The following SLTM variants were observed in gnomAD, a reference collection of about 807,000 sequenced individuals.
SLTM encodes the protein SAFB like transcription modulator.
SLTM carries 43 observed loss-of-function variants against 134.6 expected under a neutral mutation model. That is an observed-to-expected ratio of 0.32 (90% confidence interval 0.25 to 0.41). The LOEUF is 0.41. Ranked by LOEUF, SLTM falls within the 10% of genes least tolerant of loss-of-function variation. The probability of loss-of-function intolerance (pLI) is 1.00; values close to 1 mark genes in which losing one functional copy is unlikely to be tolerated. For missense variants in SLTM, 1,055 were observed against 1,288.8 expected, an observed-to-expected ratio of 0.82 and a Z score of 2.78; for synonymous variants, 424 against 432.3, an observed-to-expected ratio of 0.98 and a Z score of 0.24.
At chr15:58,900,006 G>A (rs2035354438) in intron 6 of SLTM, 69 bp from the exon 7 acceptor site, 2 of 1,192,626 alleles carry the variant, frequency 1.7e-6, no homozygotes, top group Non-Finnish European at 2.3e-6. Context: ...TCATAAGCTA[G>A]AATAGGACCT....
chr15:58,908,372 T>A (rs1259716360), intron 5 of SLTM, among the ~76,000 whole-genome samples: 1 of 152,022 alleles, frequency 6.6e-6, no homozygotes, highest in East Asian at 1.9e-4. Flanking sequence ...GATTAAATTT[T>A]CTACTGTTTT....
chr15:58,893,798 G>T, intron 12 of SLTM, 23 bp downstream of exon 12: 1 of 1,584,674 alleles, frequency 6.3e-7, no homozygotes, highest in East Asian at 2.2e-5. Context: ...ATTAGAAAGG[G>T]ATTGAAAAGA....
intron 2 of SLTM, among the ~76,000 whole-genome samples, chr15:58,920,627 T>TAATA (rs71119418): frequency 0.54 from 74,916 of 139,364 alleles, 20,460 homozygotes; most frequent in Middle Eastern, 0.63. Context: ...CATCTCAAAA[T>TAATA]AATAAATAAA....
rs1455454519 is a variant in SLTM, at chr15:58,888,499, C to T, written c.2261G>A (p.Arg754Gln). 17 of 1,613,892 alleles carry T rather than the reference C, an allele frequency of 1.1e-5. No homozygotes were observed. The highest frequency in any genetic ancestry group is 1.3e-5 in the African/African-American group (1 of 74,860). The change falls in exon 17 of 21, where the codon CGA becomes CAA. Residue 754 changes from arginine to glutamine, a missense_variant. Around this residue, in one of 3 missense-constraint regions of SLTM, gnomAD observed 776 missense variants for 962.2 expected, o/e 0.81. Transcript: ENST00000380516. Reference sequence around the variant, plus strand: ...AGAGTAGTCGGATCCATGGCCAAATCGTGCATCTGTATCTAGAGACAACTT... The same window carrying T: ...AGAGTAGTCGGATCCATGGCCAAATTGTGCATCTGTATCTAGAGACAACTT... ...NKKLSLDTDARFGHGSDYSRQ... is the reference protein window; with the variant it reads ...NKKLSLDTDAQFGHGSDYSRQ...
chr15:58,892,026 A>G (rs1397581803), intron 14 of SLTM, among the ~76,000 whole-genome samples: 1 of 152,222 alleles, frequency 6.6e-6, no homozygotes, highest in Non-Finnish European at 1.5e-5. Context: ...ATGTGCTACA[A>G]GGATTACTTC....
chr15:58,911,578 G>T (rs1487897236), intron 5 of SLTM, among the ~76,000 whole-genome samples: 1 of 151,946 alleles, frequency 6.6e-6, no homozygotes. Context: ...ACCCTCTCTG[G>T]TTTTTATAAG....
intron 20 of SLTM, chr15:58,883,377 A>G (rs866898639): frequency 6.2e-6 from 3 of 482,166 alleles, no homozygotes; most frequent in Admixed American, 3.2e-5. Context: ...CCATACGTAC[A>G]TACCCATATC....
chr15:58,887,395 A>C lies in SLTM; in HGVS notation c.2521T>G (p.Ser841Ala). ...PPPPRNELRE[S>A]DRREVRGERD... ...TCCCCTCGTACTTCTCGCCTGTCTGATTCTCTAAGTTCATTTCTTGGTGGT... is the reference window on the plus strand; with the variant it reads ...TCCCCTCGTACTTCTCGCCTGTCTGCTTCTCTAAGTTCATTTCTTGGTGGT... Residue 841 changes from serine to alanine, a missense_variant, in exon 18 of 21, where the codon TCA becomes GCA. Physicochemically the swap from Ser to Ala is moderately conservative, Grantham distance 99. Transcript: ENST00000380516. 1 of 1,613,304 alleles carries C rather than the reference A, an allele frequency of 6.2e-7. No individual in the cohort carries two copies. Among genetic ancestry groups the C allele is most frequent in the South Asian group, 1.1e-5 (1 of 91,006 alleles).
chr15:58,915,980 T>TA (rs2036613107), intron 3 of SLTM, among the ~76,000 whole-genome samples: 1 of 151,818 alleles, frequency 6.6e-6, no homozygotes, highest in South Asian at 2.1e-4. Context: ...AAAAAAAAAT[T>TA]AAAAAACCCT....
At chr15:58,916,277 G>C (rs191921067) in intron 3 of SLTM, among the ~76,000 whole-genome samples, 12 of 151,072 alleles carry the variant, frequency 7.9e-5, no homozygotes, top group African/African-American at 2.9e-4. Flanking sequence ...GAGTTCAAGC[G>C]ATTCTCCTGC....
intron 1 of SLTM, 26 bp downstream of exon 1, chr15:58,933,378 C>G: frequency 6.4e-7 from 1 of 1,567,186 alleles, no homozygotes; most frequent in East Asian, 2.5e-5. Flanking sequence ...CCTTCCCGGT[C>G]CTTTCCGGTC....
intron 19 of SLTM, among the ~76,000 whole-genome samples, chr15:58,885,099 A>G (rs2034071952): frequency 1.3e-5 from 2 of 152,266 alleles, no homozygotes; most frequent in South Asian, 4.1e-4. Flanking sequence ...CAACATGCAG[A>G]CAGCACAGCA....
intron 3 of SLTM, among the ~76,000 whole-genome samples, chr15:58,915,374 T>C (rs1233430563): frequency 1.3e-5 from 2 of 152,326 alleles, no homozygotes; most frequent in Non-Finnish European, 2.9e-5. Context: ...TTCAAATGAC[T>C]GTAACATTTT....
intron 5 of SLTM, among the ~76,000 whole-genome samples, chr15:58,909,500 A>G (rs1402641877): frequency 7.9e-5 from 12 of 152,240 alleles, no homozygotes; most frequent in Non-Finnish European, 1.5e-5. Context: ...TAAATAAGGG[A>G]AAGTTTCTCT....
At chr15:58,916,848 A>C (rs2036685635) in intron 3 of SLTM, 87 bp downstream of exon 3, 2 of 1,064,086 alleles carry the variant, frequency 1.9e-6, no homozygotes. Context: ...TACTTCAGTG[A>C]CCATTGTTCA....
intron 5 of SLTM, 79 bp downstream of exon 5, chr15:58,912,484 T>G: frequency 8.7e-7 from 1 of 1,153,584 alleles, no homozygotes; most frequent in Non-Finnish European, 1.3e-6. Context: ...AATTAAAGAA[T>G]TATGAAGTCA....
At chr15:58,916,825 T>G in intron 3 of SLTM, 110 bp downstream of exon 3, 1 of 800,754 alleles carries the variant, frequency 1.2e-6, no homozygotes, top group South Asian at 1.6e-5. Context: ...TAGGTCTTTA[T>G]CTTTAACCTA....
At chr15:58,912,651 T>A (rs765431439) in intron 4 of SLTM, 41 bp from the exon 5 acceptor site, 1 of 1,528,416 alleles carries the variant, frequency 6.5e-7, no homozygotes, top group Admixed American at 1.9e-5. Context: ...TTATAAAATA[T>A]CGGGGTAACG....
chr15:58,924,901 C>A (rs761122990), intron 2 of SLTM, among the ~76,000 whole-genome samples: 2 of 151,872 alleles, frequency 1.3e-5, no homozygotes, highest in Non-Finnish European at 2.9e-5. Context: ...TTCACTGCAG[C>A]CTCAACCACC....
Sources: allele counts gnomAD v4.1 joint callset (sites outside exome capture counted in the v4.1 genomes callset), GRCh38; gene constraint gnomAD v4.1.1; regional missense constraint gnomAD v4.1.1; transcripts MANE v1.5; gene names NCBI Gene and HGNC (gene_info 2026-07-23, HGNC 2026-07-21).